Variants in KTN1 observed in about 807,000 individuals in gnomAD.
The protein encoded by KTN1 is kinectin.
KTN1 carries 130 observed loss-of-function variants against 222.5 expected under a neutral mutation model. The observed-to-expected ratio is 0.58, with a 90% CI of 0.51 to 0.68. The LOEUF (loss-of-function observed/expected upper bound fraction) is 0.68. Ranked by LOEUF, KTN1 falls within the 30% of genes least tolerant of loss-of-function variation. The pLI, the probability that KTN1 is intolerant of heterozygous loss-of-function variation, is 0.00. For synonymous variants in KTN1, 512 were observed against 496.3 expected (o/e 1.03, Z -0.42); for missense variants, 1,508 against 1,500.4 (o/e 1.01, Z -0.08).
At chr14:55,681,606 A>G (rs528815698) in intron 43 of KTN1, 151 of 152,312 alleles carry the variant, frequency 9.9e-4, no homozygotes, top group African/African-American at 3.5e-3. Context: ...TACCCTCACA[A>G]CGCAGTTGGC....
intron 17 of KTN1, 41 bp downstream of exon 17, chr14:55,641,249 C>A: frequency 1.7e-6 from 2 of 1,143,504 alleles, no homozygotes; most frequent in South Asian, 1.4e-5. Flanking sequence ...CTTAGAACAA[C>A]CTTGTATACT....
intron 1 of KTN1, among the ~76,000 whole-genome samples, chr14:55,603,068 A>G (rs922162773): frequency 9.9e-5 from 15 of 152,164 alleles, no homozygotes; most frequent in African/African-American, 3.4e-4. Context: ...ATCTAAGGCC[A>G]GTCACTCTAT....
rs562026720 is a variant in KTN1, at chr14:55,580,278, G to C, written c.-107G>C. 1 of 152,558 alleles carries C rather than the reference G, an allele frequency of 6.6e-6. No individual in the cohort carries two copies. The highest frequency in any genetic ancestry group is 1.4e-5 in the Non-Finnish European group (1 of 71,796). 9.5% of individuals were successfully genotyped at this position (152,558 alleles called of 1,614,324 possible). Reference sequence around the variant, plus strand: ...TGCGGCGGCGGCGGCGGCGGCGGCGGCGCCTCGGAGCGGGCGGCCCGGGCT... The same window carrying C: ...TGCGGCGGCGGCGGCGGCGGCGGCGCCGCCTCGGAGCGGGCGGCCCGGGCT... On this transcript the variant is annotated 5_prime_UTR_variant, in exon 1 of 44. Coordinates refer to ENST00000395314, the MANE Select transcript of KTN1 (RefSeq NM_001079521.2).
intron 1 of KTN1, among the ~76,000 whole-genome samples, chr14:55,589,770 T>C (rs1191687325): frequency 6.6e-6 from 1 of 150,588 alleles, no homozygotes; most frequent in African/African-American, 2.4e-5. Context: ...GTGATTCTCC[T>C]GCCTCAACCT....
In KTN1 at chr14:55,612,290, C is replaced by A; in HGVS notation, c.242C>A (p.Pro81His). The change falls in exon 2 of 44, where the codon CCT becomes CAT. Residue 81 changes from proline (P) to histidine (H), a missense_variant. By Grantham distance (77) the Pro-to-His change is moderately conservative. Transcript: ENST00000395314. ...CATGAATCCGACTCTGAGAGTGTAC[C>A]TCGAGACTTTAAATTATCAGATGCT... ...NLHESDSESV[P>H]RDFKLSDALA... The A allele has an allele frequency of 6.2e-7, 1 of 1,613,066 alleles. No homozygotes were observed. Among genetic ancestry groups the A allele is most frequent in the African/African-American group, 1.3e-5 (1 of 74,904 alleles).
At chr14:55,650,903 CACGAAACAGTTTGG>C in intron 24 of KTN1, among the ~76,000 whole-genome samples, 1 of 152,134 alleles carries the variant, frequency 6.6e-6, no homozygotes, top group African/African-American at 2.4e-5. Context: ...ACAAATGAAA[CACGAAACAGTTTGG>C]CAATTTTTTT....
chr14:55,643,316 A>T (rs1172036680), intron 18 of KTN1, among the ~76,000 whole-genome samples: 2 of 152,144 alleles, frequency 1.3e-5, no homozygotes, highest in African/African-American at 2.4e-5. Context: ...TCTCTGAAAT[A>T]AGAATGTATC....
At chr14:55,660,611 A>T (rs1304850347) in intron 31 of KTN1, among the ~76,000 whole-genome samples, 6 of 151,996 alleles carry the variant, frequency 3.9e-5, no homozygotes, top group Non-Finnish European at 1.5e-5. Context: ...TGGTTGGTTT[A>T]CAGAGTTGCT....
rs1409715914 is a variant in KTN1, at chr14:55,670,733, A to C, written c.3272A>C (p.Tyr1091Ser). ...PKVSVPSNLS[Y>S]GEWLHGFEKK... ...TTTAACTTTTCTCGTCCACAGAGTT[A>C]TGGTGAATGGTTGCATGGATTTGAA... Residue 1091 changes from tyrosine to serine, a missense_variant, in exon 35 of 44, where the codon TAT becomes TCT. Physicochemically the swap from Tyr to Ser is moderately radical, Grantham distance 144. Transcript: ENST00000395314. The C allele has an allele frequency of 6.2e-7, 1 of 1,604,800 alleles. No individual in the cohort carries two copies. The highest frequency in any genetic ancestry group is 8.5e-7 in the Non-Finnish European group (1 of 1,173,832).
chr14:55,597,676 A>C (rs1369879492), intron 1 of KTN1, among the ~76,000 whole-genome samples: 1 of 152,046 alleles, frequency 6.6e-6, no homozygotes, highest in African/African-American at 2.4e-5. Flanking sequence ...CGACATGGTG[A>C]AACCCCATCT....
rs114044861 is a variant in KTN1 at position 55,617,934 on chromosome 14, A to C, written c.662-30A>C. 6 of 1,488,616 alleles carry C rather than the reference A, an allele frequency of 4.0e-6. 1 individual carries two copies. The South Asian group carries it at 7.7e-5, about 19-fold the overall frequency. 92.2% of individuals were successfully genotyped at this position (1,488,616 alleles called of 1,614,324 possible). A position where few individuals can be genotyped will look rare whatever the true frequency, so the allele number is the denominator to read the frequency against. ...ATTTACTCTGTTTTGTAAAAATTCT[A>C]ATTATGATTTTGTTGAACTTAAATT... On this transcript the variant is annotated intron_variant, in intron 3 of 43. Coordinates refer to ENST00000395314, the MANE Select transcript of KTN1 (RefSeq NM_001079521.2).
intron 34 of KTN1, 111 bp downstream of exon 34, chr14:55,667,441 C>A: frequency 1.8e-6 from 1 of 555,374 alleles, no homozygotes; most frequent in Non-Finnish European, 3.1e-6. Flanking sequence ...ATTTCTTGAT[C>A]TTTCCTATTG....
At chr14:55,635,893 G>C (rs558115852) in intron 9 of KTN1, among the ~76,000 whole-genome samples, 1 of 152,234 alleles carries the variant, frequency 6.6e-6, no homozygotes, top group South Asian at 2.1e-4. Context: ...TTGGGAGATT[G>C]ATATAAGTAT....
Position 55,641,098 on chromosome 14 carries a change from T to G in KTN1, c.2022-29T>G, listed in dbSNP as rs546236682. 2.6e-5 allele frequency: 39 copies of G among 1,517,790 alleles called. No individual in the cohort carries two copies. The East Asian group carries it at 7.9e-4, about 31-fold the overall frequency. The allele number at this position is 1,517,790 out of a possible 1,614,324, so 94.0% of individuals were successfully genotyped here. A position where few individuals can be genotyped will look rare whatever the true frequency, so the allele number is the denominator to read the frequency against. On this transcript the variant is annotated intron_variant, in intron 16 of 43. Transcript: ENST00000395314. The stretch of plus-strand genomic sequence containing the variant: ...TTGTAGATTTTCTGAATGTATGAAG[T>G]ATTTTAATTTTTTTTTTCACCCTCA...
chr14:55,619,404 C>T, intron 5 of KTN1, 92 bp downstream of exon 5: 1 of 1,132,674 alleles, frequency 8.8e-7, no homozygotes, highest in Non-Finnish European at 1.3e-6. Flanking sequence ...ATATCTACTC[C>T]CATCCTTAAC....
intron 31 of KTN1, 80 bp downstream of exon 31, chr14:55,659,783 GT>G: frequency 1.2e-6 from 1 of 817,578 alleles, no homozygotes; most frequent in Non-Finnish European, 2.1e-6. Context: ...AAGCAATTTA[GT>G]GTAACTGCAA....
intron 25 of KTN1, 89 bp from the exon 26 acceptor site, chr14:55,652,761 C>T: frequency 1.2e-6 from 1 of 826,568 alleles, no homozygotes; most frequent in Non-Finnish European, 1.9e-6. Flanking sequence ...TGAGTACTAC[C>T]CAAAATATAC....
At chr14:55,660,541 T>G (rs1425044596) in intron 31 of KTN1, among the ~76,000 whole-genome samples, 1 of 152,154 alleles carries the variant, frequency 6.6e-6, no homozygotes, top group Non-Finnish European at 1.5e-5. Flanking sequence ...ATGATGTAAG[T>G]GATCTATCAT....
In KTN1 at chr14:55,599,247, T is replaced by C. The variant is rs557364770; in HGVS notation, c.-30-12772T>C. On this transcript the variant is annotated intron_variant, in intron 1 of 43. Transcript: ENST00000395314. ...CTCATGGCTGAAATTTTTGTTTTAA[T>C]AGTCTTTCACATTCTGTTATCAGTT... Among the ~76,000 whole-genome samples, 4 of 152,308 alleles carry C rather than the reference T, an allele frequency of 2.6e-5. No individual in the cohort carries two copies. In the East Asian group the frequency reaches 7.7e-4, roughly 29 times the overall value.
Sources: gnomAD v4.1 joint callset for allele counts (sites outside exome capture counted in the v4.1 genomes callset) on GRCh38, gnomAD v4.1.1 for gene constraint, MANE v1.5 for transcripts, NCBI Gene and HGNC (gene_info 2026-07-23, HGNC 2026-07-21) for gene names.